The following TFPT variants were observed in gnomAD, a reference collection of about 807,000 sequenced individuals.
TFPT encodes the protein TCF3 fusion partner, also known as INO80 complex subunit F.
A neutral mutation model predicts 28.8 loss-of-function variants in TFPT; 27 were observed. The ratio of observed to expected loss-of-function variants is 0.94; its 90% CI spans 0.69 to 1.29. The LOEUF is 1.29. Ranked by LOEUF, TFPT falls within the 50% of genes most tolerant of loss-of-function variation. The pLI, the probability that TFPT is intolerant of heterozygous loss-of-function variation, is 0.00. For missense variants in TFPT, 330 were observed against 338.0 expected, an observed-to-expected ratio of 0.98 and a Z score of 0.19; for synonymous variants, 152 against 142.8, an observed-to-expected ratio of 1.06 and a Z score of -0.46.
intron 5 of TFPT, chr19:54,107,401 A>T: frequency 1.8e-6 from 1 of 554,970 alleles, no homozygotes; most frequent in East Asian, 3.1e-5. Context: ...GGCACTTGCC[A>T]ACCAAGCCTA....
Position 54,108,328 on chromosome 19 carries a change from C to G in TFPT, c.421G>C (p.Glu141Gln). ...YRASQFTIVL[E>Q]DEGSQGTDAP... ...CCTCCTGGAGGCCCAACACTCACCT[C>G]CAGCACAATGGTGAACTGGCTGGCC... is the stretch of plus-strand genomic sequence containing the variant. Residue 141 changes from glutamate to glutamine, a missense_variant and splice_region_variant, in exon 4 of 6, where the codon GAG becomes CAG. Transcript: ENST00000391759. The G allele has an allele frequency of 1.2e-6, 2 of 1,603,162 alleles. No individual in the cohort carries two copies. The highest frequency in any genetic ancestry group is 3.4e-5 in the Admixed American group (2 of 58,322).
intron 3 of TFPT, among the ~76,000 whole-genome samples, 174 bp downstream of exon 3, chr19:54,109,877 T>TCAGTC (rs2073401033): frequency 3.1e-5 from 1 of 31,750 alleles, no homozygotes; most frequent in Non-Finnish European, 7.2e-5. Context: ...AGCCCTCTCC[T>TCAGTC]CCAACACCGA....
intron 2 of TFPT, among the ~76,000 whole-genome samples, chr19:54,111,691 A>G (rs2073460763): frequency 6.7e-6 from 1 of 148,158 alleles, no homozygotes; most frequent in South Asian, 2.1e-4. Context: ...AAAGAAAAAA[A>G]AAAAAAAAAA....
At chr19:54,107,884 C>T (rs936885279) in intron 5 of TFPT, 142 bp downstream of exon 5, 23 of 777,546 alleles carry the variant, frequency 3.0e-5, no homozygotes, top group Admixed American at 1.4e-4. Flanking sequence ...CTGGGCCCCT[C>T]GGGGTGCAGA....
In TFPT at chr19:54,108,087, C is replaced by T. The variant is rs587666544; in HGVS notation, c.581G>A (p.Arg194Gln). Reference protein sequence around the residue: ...GEGPSGRKRRRVPRDGRRAGN... With the variant: ...GEGPSGRKRRQVPRDGRRAGN... ...TGCTCGGCGTCCATCCCGTGGCACTCGCCGCCTCTTCCGCCCACTGGGCCC... is the reference window on the plus strand; with the variant it reads ...TGCTCGGCGTCCATCCCGTGGCACTTGCCGCCTCTTCCGCCCACTGGGCCC... The change falls in exon 5 of 6, where the codon CGA becomes CAA. Residue 194 changes from arginine to glutamine, a missense_variant. Arg to Gln is a conservative substitution (Grantham distance 43, BLOSUM62 1). Transcript: ENST00000391759. 54 of 1,562,920 alleles carry T rather than the reference C, an allele frequency of 3.5e-5. No homozygotes were observed. Among genetic ancestry groups the T allele is most frequent in the African/African-American group, 1.9e-4 (14 of 73,344 alleles).
chr19:54,109,944 T>C (rs1156297128), intron 3 of TFPT, 107 bp downstream of exon 3: 1 of 900,140 alleles, frequency 1.1e-6, no homozygotes. Context: ...CGGCTTCTCC[T>C]TGTGGCTTGT....
chr19:54,107,111 A>G lies in TFPT; in HGVS notation c.701T>C (p.Val234Ala). ...EADEALDSSW[V>A]SRGPDKLLPY... ...CAGCAGTTTGTCTGGACCCCGAGAA[A>G]CCCAACTGGAATCCAGGGCCTCATC... The change falls in exon 6 of 6, where the codon GTT becomes GCT. Residue 234 changes from valine (V) to alanine (A), a missense_variant. Val to Ala is a moderately conservative substitution (Grantham distance 64). Transcript: ENST00000391759. 1 of 1,613,762 alleles carries G rather than the reference A, an allele frequency of 6.2e-7. No individual in the cohort carries two copies. Among genetic ancestry groups the G allele is most frequent in the Non-Finnish European group, 8.5e-7 (1 of 1,179,918 alleles).
rs766379174 is a variant in TFPT, at chr19:54,112,155, C to T, written c.283-2034G>A. On this transcript the variant is annotated intron_variant, in intron 2 of 5. Coordinates refer to ENST00000391759, the MANE Select transcript of TFPT (RefSeq NM_013342.4). ...TTGGTGGCTGTAGTCCCAGCTCCTTCGGAGGCTGAGATTGCTAGAGTCCAG... is the reference window on the plus strand; with the variant it reads ...TTGGTGGCTGTAGTCCCAGCTCCTTTGGAGGCTGAGATTGCTAGAGTCCAG... Among the ~76,000 whole-genome samples, 8 of 150,640 alleles carry T rather than the reference C, an allele frequency of 5.3e-5. No homozygotes were observed. In the East Asian group the frequency reaches 5.9e-4, roughly 11 times the overall value.
At position 54,108,224 on chromosome 19, in the gene TFPT, C is replaced by G; in HGVS notation, c.444G>C (p.Thr148=). 6.3e-7 allele frequency: 1 copy of G among 1,593,106 alleles called. No individual in the cohort carries two copies. Among genetic ancestry groups the G allele is most frequent in the Non-Finnish European group, 8.6e-7 (1 of 1,168,714 alleles). The part of the protein sequence containing the change: ...IVLEDEGSQG[T]DAPTPGNAEN... ...CCGCATTGCCTGGGGTGGGGGCATC[C>G]GTGCCCTGGCTGCCCTCATCCTGGC... The change falls in exon 5 of 6, where the codon ACG becomes ACC. Residue 148 remains threonine, a synonymous_variant. Coordinates refer to ENST00000391759, the MANE Select transcript of TFPT (RefSeq NM_013342.4).
chr19:54,108,140 TG>T lies in TFPT; in HGVS notation c.527del (p.Pro176GlnfsTer31). 1.3e-6 allele frequency: 2 copies of T among 1,585,130 alleles called. No individual in the cohort carries two copies. The highest frequency in any genetic ancestry group is 8.6e-7 in the Non-Finnish European group (1 of 1,164,132). On this transcript the variant is annotated frameshift_variant, in exon 5 of 6. Coordinates refer to ENST00000391759, the MANE Select transcript of TFPT (RefSeq NM_013342.4). LOFTEE classifies it high-confidence loss of function. ...LSPPRRTPAP[P>X]EPGSPAPGEG... ...CACCGGGGGCTGGGCTGCCGGGTTC[TG>T]GGGGTGCAGGAGTCCTTCTGGGCGG...
At position 54,108,488 on chromosome 19, in the gene TFPT, A is replaced by G. The variant is rs773008773; in HGVS notation, c.354-93T>C. On this transcript the variant is annotated intron_variant, in intron 3 of 5. Transcript: ENST00000391759. The stretch of plus-strand genomic sequence containing the variant: ...ATAGAGCTCAGCTCCCACTCCACTC[A>G]ACGCCAAAGCTGTCCTGGAGCCAGA... 3.0e-4 allele frequency: 484 copies of G among 1,613,602 alleles called. 3 individuals carry two copies. Among genetic ancestry groups the G allele is most frequent in the Non-Finnish European group, 2.0e-4 (238 of 1,179,872 alleles).
At chr19:54,114,186 G>A (rs1249362398) in intron 2 of TFPT, among the ~76,000 whole-genome samples, 4 of 152,212 alleles carry the variant, frequency 2.6e-5, no homozygotes, top group African/African-American at 9.6e-5. Flanking sequence ...TGTGAGCGGT[G>A]CCACGCATTG....
chr19:54,114,726 G>T, intron 1 of TFPT, 26 bp from the exon 2 acceptor site: 2 of 1,595,064 alleles, frequency 1.3e-6, no homozygotes, highest in Non-Finnish European at 8.5e-7. Context: ...AGGCTCAGGG[G>T]CCCTGGATCC....
chr19:54,109,750 C>T (rs1448185178), intron 3 of TFPT, among the ~76,000 whole-genome samples: 1 of 152,030 alleles, frequency 6.6e-6, no homozygotes, highest in Non-Finnish European at 1.5e-5. Flanking sequence ...GGTCTGTGCT[C>T]GTGTGCCTTC....
At chr19:54,108,003 C>T in intron 5 of TFPT, 23 bp downstream of exon 5, 2 of 1,515,134 alleles carry the variant, frequency 1.3e-6, no homozygotes, top group African/African-American at 2.8e-5. Flanking sequence ...CAGTCCCTCC[C>T]CTTGAGTTCC....
rs1466800090 is a variant in TFPT at position 54,108,264 on chromosome 19, G to C, written c.424-20C>G. The C allele has an allele frequency of 2.5e-6, 4 of 1,575,406 alleles. No homozygotes were observed. The highest frequency in any genetic ancestry group is 1.4e-5 in the African/African-American group (1 of 73,936). ...CTCATCCTGGCAGGCAGGAGGGGGA[G>C]GTAGGTGATGGGTGGGTCCTGAGCT... On this transcript the variant is annotated intron_variant, in intron 4 of 5. Coordinates refer to ENST00000391759, the MANE Select transcript of TFPT (RefSeq NM_013342.4).
chr19:54,107,768 TCC>T (rs1305787900), intron 5 of TFPT, among the ~76,000 whole-genome samples: 1 of 152,136 alleles, frequency 6.6e-6, no homozygotes, highest in Non-Finnish European at 1.5e-5. Flanking sequence ...CAACTTTGCC[TCC>T]TTTTTACCCA....
At position 54,112,251 on chromosome 19, in the gene TFPT, C is replaced by A. The variant is rs374883929; in HGVS notation, c.283-2130G>T. On this transcript the variant is annotated intron_variant, in intron 2 of 5. Transcript: ENST00000391759. ...CCTGGGCAACAGAGAAAGACCCTGT[C>A]TCAAAAAAAAAAAAAAAATCTCAGA... Among the ~76,000 whole-genome samples, 25 of 52,402 alleles carry A rather than the reference C, an allele frequency of 4.8e-4. 1 individual carries two copies. In the East Asian group the frequency reaches 7.7e-3, roughly 16 times the overall value. 34.4% of individuals were successfully genotyped at this position (52,402 alleles called of 152,430 possible).
Position 54,115,585 on chromosome 19 carries a change from G to T in TFPT, c.-316C>A, listed in dbSNP as rs2073604372. 2 of 511,674 alleles carry T rather than the reference G, an allele frequency of 3.9e-6. No individual in the cohort carries two copies. Among genetic ancestry groups the T allele is most frequent in the Non-Finnish European group, 7.0e-6 (2 of 286,918 alleles). The allele number at this position is 511,674 out of a possible 1,614,324, so 31.7% of individuals were successfully genotyped here. The stretch of plus-strand genomic sequence containing the variant: ...AGCGATTCTCTGCTTAGCAGGATCG[G>T]TCCACAGCGGGACGTGAGTCCCTTT... On this transcript the variant is annotated 5_prime_UTR_variant, in exon 1 of 6. Coordinates refer to ENST00000391759, the MANE Select transcript of TFPT (RefSeq NM_013342.4).
Sources: allele counts gnomAD v4.1 joint callset (sites outside exome capture counted in the v4.1 genomes callset), GRCh38; gene constraint gnomAD v4.1.1; transcripts MANE v1.5; gene names NCBI Gene and HGNC (gene_info 2026-07-23, HGNC 2026-07-21).